Variants in PPFIBP2 observed in about 807,000 individuals in gnomAD.
PPFIBP2 encodes PPFIB scaffold protein 2.
In PPFIBP2, 118 loss-of-function variants were observed where a neutral mutation model predicts 118.3. The ratio of observed to expected loss-of-function variants is 1.00; its 90% CI spans 0.86 to 1.16. The LOEUF (loss-of-function observed/expected upper bound fraction) is 1.16, where lower values mean the gene tolerates loss of function less well. PPFIBP2 is among the 50% of genes most tolerant of loss of function. PPFIBP2 has a pLI of 0.00. For missense variants in PPFIBP2, 1,195 were observed against 1,073.1 expected, an observed-to-expected ratio of 1.11 and a Z score of -1.59; for synonymous variants, 414 against 397.4, an observed-to-expected ratio of 1.04 and a Z score of -0.50.
chr11:7,519,362 C>T (rs939581230), intron 1 of PPFIBP2, among the ~76,000 whole-genome samples: 1 of 151,968 alleles, frequency 6.6e-6, no homozygotes, highest in African/African-American at 2.4e-5. Context: ...TTGCAGAGGT[C>T]GGGTTGTGAT....
At chr11:7,594,112 G>A (rs1374077227) in intron 4 of PPFIBP2, among the ~76,000 whole-genome samples, 1 of 152,142 alleles carries the variant, frequency 6.6e-6, no homozygotes, top group African/African-American at 2.4e-5. Flanking sequence ...GAGCACTAAG[G>A]TTATGAGGTG....
chr11:7,651,675 C>G lies in PPFIBP2; in HGVS notation c.2267C>G (p.Thr756Ser), dbSNP rs141080888. ...TCTTAGATCCTGGAGCCACGCTTCA[C>G]TGGGGACACCCTGGCTATGCTTCTC... ...GGLIILEPRF[T>S]GDTLAMLLNI... is the part of the protein sequence containing the mutation. The change falls in exon 23 of 24, where the codon ACT becomes AGT. Residue 756 changes from threonine to serine, a missense_variant. Transcript: ENST00000299492. 3,201 of 1,611,222 alleles carry G rather than the reference C, an allele frequency of 2.0e-3. 9 individuals are homozygous for G. Among genetic ancestry groups the G allele is most frequent in the Non-Finnish European group, 2.5e-3 (2,935 of 1,177,806 alleles).
chr11:7,547,398 C>T (rs996057073), intron 1 of PPFIBP2, among the ~76,000 whole-genome samples: 2 of 152,184 alleles, frequency 1.3e-5, no homozygotes, highest in Non-Finnish European at 2.9e-5. Context: ...ATCCTGAAAC[C>T]TGCTTCATAG....
chr11:7,633,978 G>A (rs1392070566), intron 12 of PPFIBP2, among the ~76,000 whole-genome samples: 2 of 152,178 alleles, frequency 1.3e-5, no homozygotes, highest in Non-Finnish European at 2.9e-5. Flanking sequence ...AGAGCCAGAT[G>A]AGTCTGAGCA....
chr11:7,597,684 G>A lies in PPFIBP2; in HGVS notation c.486+11G>A, dbSNP rs1381398094. 2 of 1,606,232 alleles carry A rather than the reference G, an allele frequency of 1.2e-6. No individual in the cohort carries two copies. Among genetic ancestry groups the A allele is most frequent in the South Asian group, 2.2e-5 (2 of 90,676 alleles). ...GAGATGCTTCAACAGGTAAGGGCGGGTGCACTGAAGGCCCTTGGGTGCCGA... is the reference window on the plus strand; with the variant it reads ...GAGATGCTTCAACAGGTAAGGGCGGATGCACTGAAGGCCCTTGGGTGCCGA... On this transcript the variant is annotated intron_variant, in intron 5 of 23. Transcript: ENST00000299492.
intron 1 of PPFIBP2, chr11:7,539,301 A>G (rs1197462214): frequency 1.3e-5 from 2 of 152,378 alleles, no homozygotes; most frequent in African/African-American, 2.4e-5. Context: ...AATTTAGCAC[A>G]ATGGCCTTGT....
chr11:7,663,873 G>C, the PPFIBP2 span, among the ~76,000 whole-genome samples: 15 of 152,160 alleles, frequency 9.9e-5, no homozygotes, highest in Admixed American at 3.9e-4. Context: ...TAAGCCCGTC[G>C]GAAAAGCGCA....
chr11:7,577,660 C>T (rs1386963450), intron 3 of PPFIBP2: 1 of 455,338 alleles, frequency 2.2e-6, no homozygotes, highest in Admixed American at 2.4e-5. Flanking sequence ...GCTGCTTTGT[C>T]TGGGTCTCCG....
chr11:7,656,890 G>C (rs1447968773), downstream of PPFIBP2: 1 of 969,460 alleles, frequency 1.0e-6, no homozygotes, highest in African/African-American at 1.7e-5. Flanking sequence ...CCCTCTGCAA[G>C]CCCAGTCCGG....
chr11:7,605,171 T>C (rs1446811650), intron 5 of PPFIBP2, among the ~76,000 whole-genome samples: 1 of 152,226 alleles, frequency 6.6e-6, no homozygotes, highest in East Asian at 1.9e-4. Context: ...AATGTACAAT[T>C]GTCGCAGTTT....
At chr11:7,567,570 A>C (rs372562954) in intron 3 of PPFIBP2, among the ~76,000 whole-genome samples, 2 of 152,360 alleles carry the variant, frequency 1.3e-5, no homozygotes, top group Middle Eastern at 6.8e-3. Flanking sequence ...TCATATAAAC[A>C]TTCCAAGTTG....
chr11:7,606,055 G>A (rs1847303797), intron 5 of PPFIBP2: 1 of 1,524,578 alleles, frequency 6.6e-7, no homozygotes, highest in African/African-American at 1.4e-5. Context: ...AAGCCTGAAG[G>A]AAGTAGGTTG....
the PPFIBP2 span, chr11:7,666,676 C>T: frequency 1.6e-6 from 1 of 609,946 alleles, no homozygotes; most frequent in South Asian, 2.1e-5. Context: ...TCGCTGCCAA[C>T]TCCCACGGCA....
chr11:7,653,955 C>T (rs1259038865), downstream of PPFIBP2, among the ~76,000 whole-genome samples: 1 of 152,154 alleles, frequency 6.6e-6, no homozygotes, highest in Non-Finnish European at 1.5e-5. Flanking sequence ...TCCGTGGCCG[C>T]ACTGCTTCAG....
intron 5 of PPFIBP2, chr11:7,605,946 G>C: frequency 6.5e-7 from 1 of 1,532,860 alleles, no homozygotes; most frequent in Non-Finnish European, 8.7e-7. Context: ...TGTGAAGCCA[G>C]AGTGGATACT....
In PPFIBP2 at chr11:7,610,402, G is replaced by A; in HGVS notation, c.598G>A (p.Glu200Lys). Residue 200 changes from glutamate to lysine, a missense_variant, in exon 6 of 24, where the codon GAG becomes AAG. Physicochemically the swap from Glu to Lys is moderately conservative, Grantham distance 56 (BLOSUM62 1). Transcript: ENST00000299492. ...GGAGAAGGAGCAGAGAGAGCAGGAG[G>A]AGAAGCAGAGAAAAGCAGAGGTAAG... ...GMEKEQREQE[E>K]KQRKAEELLQ... 2 of 1,613,956 alleles carry A rather than the reference G, an allele frequency of 1.2e-6. No homozygotes were observed. Among genetic ancestry groups the A allele is most frequent in the Non-Finnish European group, 1.7e-6 (2 of 1,179,966 alleles).
intron 3 of PPFIBP2, among the ~76,000 whole-genome samples, chr11:7,583,137 C>G (rs1422967965): frequency 6.6e-6 from 1 of 152,202 alleles, no homozygotes; most frequent in Non-Finnish European, 1.5e-5. Context: ...TAACTTTGTT[C>G]CTATAGTCAT....
rs575841281 is a variant in PPFIBP2, at chr11:7,554,481, G to C, written c.64+4942G>C. On this transcript the variant is annotated intron_variant, in intron 2 of 23. Transcript: ENST00000299492. ...CAATGTTTATGTAATTAAGCTTTTA[G>C]TGCAAAAAAAAGTCTGTCTCCTCCT... Among the ~76,000 whole-genome samples, 4 of 152,158 alleles carry C rather than the reference G, an allele frequency of 2.6e-5. No individual in the cohort carries two copies. The South Asian group carries it at 8.3e-4, about 32-fold the overall frequency.
At chr11:7,577,345 G>GTGTGTGTGCGTGTGTGTGTGTGTA (rs1256369683) in intron 3 of PPFIBP2, 1 of 333,308 alleles carries the variant, frequency 3.0e-6, no homozygotes, top group Non-Finnish European at 6.0e-6. Flanking sequence ...GTGTGTGTGT[G>GTGTGTGTGCGTGTGTGTGTGTGTA]TGTGTGTTTG....
Sources: allele counts gnomAD v4.1 joint callset (sites outside exome capture counted in the v4.1 genomes callset), GRCh38; gene constraint gnomAD v4.1.1; transcripts MANE v1.5; gene names NCBI Gene and HGNC (gene_info 2026-07-23, HGNC 2026-07-21).